FKBP5: variants seen among roughly 807,000 people sequenced by gnomAD.
The protein encoded by FKBP5 is peptidyl-prolyl cis-trans isomerase FKBP5.
A neutral mutation model predicts 50.5 loss-of-function variants in FKBP5; 23 were observed. The ratio of observed to expected loss-of-function variants is 0.46; its 90% CI spans 0.33 to 0.65. The LOEUF (loss-of-function observed/expected upper bound fraction) is 0.65, where lower values mean the gene tolerates loss of function less well. Among genes scored for constraint, FKBP5 ranks in the 30% least tolerant of loss-of-function variants. FKBP5 has a pLI of 0.02. For missense variants in FKBP5, 411 were observed against 553.1 expected, an observed-to-expected ratio of 0.74 and a Z score of 2.58; for synonymous variants, 176 against 190.6, an observed-to-expected ratio of 0.92 and a Z score of 0.63.
chr6:35,666,053 G>A (rs892271292), intron 1 of FKBP5, among the ~76,000 whole-genome samples: 5 of 151,990 alleles, frequency 3.3e-5, no homozygotes, highest in African/African-American at 9.7e-5. Context: ...TTTACAATGA[G>A]TTTATCAGGA....
intron 1 of FKBP5, 78 bp from the exon 2 acceptor site, chr6:35,642,921 C>A: frequency 1.0e-6 from 1 of 990,398 alleles, no homozygotes; most frequent in South Asian, 1.5e-5. Context: ...GAACTGAGCT[C>A]TACCTAACCT....
In FKBP5 at chr6:35,600,092, T is replaced by C. The variant is rs115624263; in HGVS notation, c.509-2688A>G. ...AATATTGTAGGCAACTGTAACACAA[T>C]GGTAAGTACTTGTGTATCTAAACAT... is the stretch of plus-strand genomic sequence containing the variant. On this transcript the variant is annotated intron_variant, in intron 5 of 10. Coordinates refer to ENST00000357266, the MANE Select transcript of FKBP5 (RefSeq NM_004117.4). Among the ~76,000 whole-genome samples, 423 of 152,334 alleles carry C rather than the reference T, an allele frequency of 2.8e-3. 4 individuals carry two copies. The highest frequency in any genetic ancestry group is 9.2e-3 in the African/African-American group (383 of 41,568).
intron 5 of FKBP5, among the ~76,000 whole-genome samples, chr6:35,606,485 G>A (rs975503104): frequency 1.3e-5 from 2 of 151,452 alleles, no homozygotes; most frequent in Non-Finnish European, 2.9e-5. Flanking sequence ...GTGAAACCCC[G>A]TCTCCACTAA....
intron 5 of FKBP5, among the ~76,000 whole-genome samples, chr6:35,605,183 T>C (rs183315779): frequency 5.9e-5 from 9 of 152,216 alleles, no homozygotes; most frequent in Non-Finnish European, 1.5e-5. Flanking sequence ...AAATTCTACA[T>C]GCTATTCTTA....
At chr6:35,691,936 G>A (rs1195548050), upstream of FKBP5, among the ~76,000 whole-genome samples, 12 of 151,990 alleles carry the variant, frequency 7.9e-5, no homozygotes, top group African/African-American at 1.5e-4. Flanking sequence ...CTCTGCTGCC[G>A]CCGTCTTGAA....
intron 1 of FKBP5, among the ~76,000 whole-genome samples, chr6:35,683,118 A>ATGTGTGTGTGTGTGTG (rs1269365673): frequency 1.8e-5 from 2 of 108,814 alleles, no homozygotes; most frequent in Admixed American, 2.0e-4. Flanking sequence ...ATATATACGT[A>ATGTGTGTGTGTGTGTG]TATGTGTGTG....
chr6:35,620,505 G>C (rs1053193492), intron 3 of FKBP5, among the ~76,000 whole-genome samples: 13 of 151,074 alleles, frequency 8.6e-5, no homozygotes, highest in African/African-American at 2.9e-4. Context: ...GAGGTGGGAG[G>C]ACTGCTTGAG....
At chr6:35,663,041 G>GGT (rs1007444768) in intron 1 of FKBP5, among the ~76,000 whole-genome samples, 2 of 152,142 alleles carry the variant, frequency 1.3e-5, no homozygotes, top group Non-Finnish European at 2.9e-5. Context: ...AACCGGCAAG[G>GGT]GTGTGGCAAG....
intron 5 of FKBP5, among the ~76,000 whole-genome samples, chr6:35,604,730 T>C (rs905966674): frequency 1.3e-5 from 2 of 152,204 alleles, no homozygotes; most frequent in Non-Finnish European, 2.9e-5. Flanking sequence ...TTTATCCCAT[T>C]CATATTTTTT....
intron 1 of FKBP5, among the ~76,000 whole-genome samples, chr6:35,650,459 G>C (rs1192826016): frequency 6.6e-6 from 1 of 151,466 alleles, no homozygotes; most frequent in Non-Finnish European, 1.5e-5. Context: ...AACACAAACA[G>C]TGTAATTTAT....
chr6:35,699,811 C>T (rs1344186831), intron 2 of FKBP5, among the ~76,000 whole-genome samples: 2 of 152,096 alleles, frequency 1.3e-5, no homozygotes, highest in Non-Finnish European at 2.9e-5. Context: ...CTTTGGGAGG[C>T]CGATGCGGGC....
chr6:35,646,903 C>G (rs1426572125), intron 1 of FKBP5, among the ~76,000 whole-genome samples: 1 of 152,098 alleles, frequency 6.6e-6, no homozygotes, highest in Non-Finnish European at 1.5e-5. Context: ...CAACAGTGTA[C>G]TAAAAATTTC....
intron 2 of FKBP5, among the ~76,000 whole-genome samples, chr6:35,701,485 C>T (rs983859892): frequency 5.3e-5 from 8 of 151,630 alleles, no homozygotes; most frequent in Admixed American, 2.0e-4. Context: ...CCTCGTGATC[C>T]GCCCGCCTCG....
chr6:35,640,519 T>A (rs1764454407), intron 2 of FKBP5, among the ~76,000 whole-genome samples: 1 of 152,204 alleles, frequency 6.6e-6, no homozygotes, highest in Non-Finnish European at 1.5e-5. Flanking sequence ...TACCATACAC[T>A]ACCGTAGACT....
chr6:35,648,972 C>A (rs917571157), intron 1 of FKBP5, among the ~76,000 whole-genome samples: 1 of 151,946 alleles, frequency 6.6e-6, no homozygotes, highest in South Asian at 2.1e-4. Flanking sequence ...TAAAAAAAGG[C>A]CAGGCGGGAT....
chr6:35,628,746 T>A (rs548011079), intron 3 of FKBP5, among the ~76,000 whole-genome samples: 1 of 152,358 alleles, frequency 6.6e-6, no homozygotes, highest in Admixed American at 6.5e-5. Flanking sequence ...TGAGATGGAA[T>A]CTTGCTCTGT....
At chr6:35,696,910 T>C (rs1216407450) in intron 2 of FKBP5, among the ~76,000 whole-genome samples, 1 of 152,190 alleles carries the variant, frequency 6.6e-6, no homozygotes, top group African/African-American at 2.4e-5. Flanking sequence ...TCATCTGTGG[T>C]CAACTGATTT....
At chr6:35,701,201 GTTT>G (rs1766176080) in intron 2 of FKBP5, among the ~76,000 whole-genome samples, 1 of 87,284 alleles carries the variant, frequency 1.1e-5, no homozygotes, top group Non-Finnish European at 2.2e-5. Flanking sequence ...GGAGTGCTGT[GTTT>G]TTGTTTGTTT....
intron 5 of FKBP5, among the ~76,000 whole-genome samples, chr6:35,611,033 T>G (rs1763476096): frequency 6.6e-6 from 1 of 152,170 alleles, no homozygotes; most frequent in Non-Finnish European, 1.5e-5. Context: ...TCACACCAGA[T>G]GACCATGAGC....
Sources: allele counts gnomAD v4.1 joint callset (sites outside exome capture counted in the v4.1 genomes callset), GRCh38; gene constraint gnomAD v4.1.1; transcripts MANE v1.5; gene names NCBI Gene and HGNC (gene_info 2026-07-23, HGNC 2026-07-21).